The following SLC16A2 variants were observed in gnomAD, a reference collection of about 807,000 sequenced individuals.
SLC16A2 encodes the protein monocarboxylate transporter 8.
In SLC16A2, 3 loss-of-function variants were observed where a neutral mutation model predicts 27.2. The ratio of observed to expected loss-of-function variants is 0.11; its 90% confidence interval spans 0.05 to 0.28. The LOEUF is 0.28. SLC16A2 is among the 10% of genes least tolerant of loss of function. SLC16A2 has a pLI of 1.00. For missense variants in SLC16A2, 295 were observed against 458.5 expected, an observed-to-expected ratio of 0.64 and a Z score of 3.26; for synonymous variants, 202 against 187.8, an observed-to-expected ratio of 1.08 and a Z score of -0.62.
chrX:74,528,302 C>A (rs1930515815), intron 4 of SLC16A2, among the ~76,000 whole-genome samples: 1 of 110,507 alleles, frequency 9.0e-6, no homozygotes, highest in Non-Finnish European at 1.9e-5. Context: ...GCCTGAAGCC[C>A]AGGTCTTCAG....
At position 74,531,575 on chromosome X, in the gene SLC16A2, C is replaced by T; in HGVS notation, c.*22C>T. On this transcript the variant is annotated 3_prime_UTR_variant, in exon 6 of 6. Transcript: ENST00000587091. Reference sequence around the variant, plus strand: ...CTAATGCCTTTCTTGCCATTGTGTGCCCTTTCCCAGCTCTTCCCCTTCATC... The same window carrying T: ...CTAATGCCTTTCTTGCCATTGTGTGTCCTTTCCCAGCTCTTCCCCTTCATC... 8.8e-7 allele frequency: 1 copy of T among 1,131,620 alleles called. No homozygotes were observed. The highest frequency in any genetic ancestry group is 1.2e-6 in the Non-Finnish European group (1 of 823,526). The allele number at this position is 1,131,620 out of a possible 1,213,427, so 93.3% of individuals were successfully genotyped here.
chrX:74,529,392 C>T lies in SLC16A2; in HGVS notation c.1350C>T (p.Tyr450=), dbSNP rs1277288160. Residue 450 remains tyrosine, a synonymous_variant, in exon 5 of 6, where the codon TAC becomes TAT. Coordinates refer to ENST00000587091, the MANE Select transcript of SLC16A2 (RefSeq NM_006517.5). The stretch of plus-strand genomic sequence containing the variant: ...TGCAGGCCTCACAGGCCATTGGCTA[C>T]CTCCTGGGCATGATGGCCCTGCCAA... ...GPMQASQAIG[Y]LLGMMALPMI... 7 of 1,196,039 alleles carry T rather than the reference C, an allele frequency of 5.9e-6. No individual in the cohort carries two copies. In the Admixed American group the frequency reaches 6.8e-5, roughly 12 times the overall value.
At chrX:74,464,174 A>C (rs1015246981) in intron 1 of SLC16A2, among the ~76,000 whole-genome samples, 6 of 112,266 alleles carry the variant, frequency 5.3e-5, no homozygotes, top group African/African-American at 1.9e-4. Flanking sequence ...GTCATATCTA[A>C]TTACCTGTTG....
In SLC16A2 at chrX:74,454,492, T is replaced by C. The variant is rs1187421704; in HGVS notation, c.430+32425T>C. 5.7e-5 allele frequency among the ~76,000 whole-genome samples: 6 copies of C among 104,551 alleles called. No individual in the cohort carries two copies. The East Asian group carries it at 1.2e-3, about 21-fold the overall frequency. The allele number at this position is 104,551 out of a possible 115,157, so 90.8% of individuals were successfully genotyped here. A position where few individuals can be genotyped will look rare whatever the true frequency, so the allele number is the denominator to read the frequency against. On this transcript the variant is annotated intron_variant, in intron 1 of 5. Transcript: ENST00000587091. ...TATCGCAAGGACAAAAAACCAAACA[T>C]GGCATGTTCTCACTCATAGGTGGGA... is the stretch of plus-strand genomic sequence containing the variant.
chrX:74,430,358 G>A (rs143831609), intron 1 of SLC16A2, among the ~76,000 whole-genome samples: 3 of 111,716 alleles, frequency 2.7e-5, no homozygotes, highest in East Asian at 5.6e-4. Context: ...GGTGTAGGGG[G>A]CAACTACCAA....
At chrX:74,459,184 G>A (rs1185100470) in intron 1 of SLC16A2, among the ~76,000 whole-genome samples, 1 of 15,403 alleles carries the variant, frequency 6.5e-5, no homozygotes, top group African/African-American at 2.3e-4. Context: ...CCATGACTCC[G>A]ATCTTGATCA....
At chrX:74,476,295 T>C (rs1279664147) in intron 1 of SLC16A2, among the ~76,000 whole-genome samples, 1 of 112,089 alleles carries the variant, frequency 8.9e-6, no homozygotes, top group African/African-American at 3.2e-5. Flanking sequence ...TATTGGTGTA[T>C]AAGAATGCTT....
intron 1 of SLC16A2, among the ~76,000 whole-genome samples, chrX:74,470,668 C>T (rs983176945): frequency 9.0e-6 from 1 of 111,632 alleles, no homozygotes; most frequent in Non-Finnish European, 1.9e-5. Flanking sequence ...CAAGTTATGC[C>T]AGGCGCGGTG....
Position 74,524,470 on chromosome X carries a change from T to G in SLC16A2, c.687T>G (p.Gly229=). The G allele has an allele frequency of 1.7e-6, 2 of 1,211,937 alleles. No individual in the cohort carries two copies. Among genetic ancestry groups the G allele is most frequent in the Non-Finnish European group, 1.1e-6 (1 of 895,552 alleles). ...ILGHYFQRRL[G]LANGVVSAGS... Reference sequence around the variant, plus strand: ...GCCACTACTTTCAACGCCGCCTGGGTCTGGCCAATGGTGTGGTGTCTGCTG... The same window carrying G: ...GCCACTACTTTCAACGCCGCCTGGGGCTGGCCAATGGTGTGGTGTCTGCTG... Residue 229 remains glycine, a synonymous_variant, in exon 3 of 6, where the codon GGT becomes GGG. Coordinates refer to ENST00000587091, the MANE Select transcript of SLC16A2 (RefSeq NM_006517.5).
Position 74,520,942 on chromosome X carries a change from C to T in SLC16A2, c.431-48C>T, listed in dbSNP as rs1177793915. The T allele has an allele frequency of 3.4e-6, 4 of 1,190,480 alleles. No homozygotes were observed. In the African/African-American group the frequency reaches 7.0e-5, roughly 21 times the overall value. ...AGAGCTGAGATACCAGCAGTACCAC[C>T]AGGCACTACACTAAGCTAAAGTGTC... On this transcript the variant is annotated intron_variant, in intron 1 of 5. Transcript: ENST00000587091.
Position 74,463,690 on chromosome X carries a change from C to T in SLC16A2, c.430+41623C>T, listed in dbSNP as rs1046199427. Reference sequence around the variant, plus strand: ...TACAGGCGCCTGCCACCATACCCGGCTAATTTTTTTGTATTTTTAGTAGAG... The same window carrying T: ...TACAGGCGCCTGCCACCATACCCGGTTAATTTTTTTGTATTTTTAGTAGAG... On this transcript the variant is annotated intron_variant, in intron 1 of 5. Transcript: ENST00000587091. 2.7e-5 allele frequency among the ~76,000 whole-genome samples: 3 copies of T among 111,009 alleles called. No homozygotes were observed. The Admixed American group carries it at 2.9e-4, about 11-fold the overall frequency.
intron 1 of SLC16A2, among the ~76,000 whole-genome samples, chrX:74,491,797 G>A (rs759284558): frequency 1.8e-5 from 2 of 112,618 alleles, no homozygotes; most frequent in South Asian, 3.7e-4. Context: ...TAGAAAATTA[G>A]GACAATTTCC....
At chrX:74,494,890 T>G (rs1298640693) in intron 1 of SLC16A2, among the ~76,000 whole-genome samples, 3 of 110,895 alleles carry the variant, frequency 2.7e-5, no homozygotes, top group Non-Finnish European at 5.7e-5. Context: ...CTGCTCTACC[T>G]CCAGAAAGGT....
At chrX:74,432,433 A>G (rs747255383) in intron 1 of SLC16A2, among the ~76,000 whole-genome samples, 130 of 111,778 alleles carry the variant, frequency 1.2e-3, no homozygotes, top group South Asian at 2.3e-3. Flanking sequence ...AAGCATTTCA[A>G]TGGCCACTAA....
intron 3 of SLC16A2, among the ~76,000 whole-genome samples, 171 bp downstream of exon 3, chrX:74,524,980 T>C (rs1930468313): frequency 9.0e-6 from 1 of 111,333 alleles, no homozygotes; most frequent in African/African-American, 3.3e-5. Flanking sequence ...AGAGAGAGGT[T>C]GAGGGAAGAC....
rs1341463271 is a variant in SLC16A2, at chrX:74,500,606, A to G, written c.431-20384A>G. ...CATTGTATCATTCTCATGCCTTTGT[A>G]TCCTTATCGCTTAGCTCCCACATAT... On this transcript the variant is annotated intron_variant, in intron 1 of 5. Transcript: ENST00000587091. Among the ~76,000 whole-genome samples the G allele has an allele frequency of 2.7e-5, 3 of 111,206 alleles. No individual in the cohort carries two copies. The Admixed American group carries it at 2.9e-4, about 11-fold the overall frequency.
At chrX:74,482,540 A>C (rs1178175688) in intron 1 of SLC16A2, among the ~76,000 whole-genome samples, 1 of 111,300 alleles carries the variant, frequency 9.0e-6, no homozygotes, top group Non-Finnish European at 1.9e-5. Context: ...TCTATCTTCA[A>C]GTTTGCTAAC....
chrX:74,503,571 T>G lies in SLC16A2; in HGVS notation c.431-17419T>G, dbSNP rs146082899. Among the ~76,000 whole-genome samples the G allele has an allele frequency of 6.1e-3, 675 of 111,436 alleles. 8 individuals are homozygous for G. Among genetic ancestry groups the G allele is most frequent in the African/African-American group, 0.021 (636 of 30,617 alleles). On this transcript the variant is annotated intron_variant, in intron 1 of 5. Coordinates refer to ENST00000587091, the MANE Select transcript of SLC16A2 (RefSeq NM_006517.5). ...ATAGTGACCACAGGAGCCTGGAGCA[T>G]AGTACCAAGTGTGTGAGGGCATGCC...
At chrX:74,434,341 G>A (rs1928583458) in intron 1 of SLC16A2, among the ~76,000 whole-genome samples, 2 of 112,184 alleles carry the variant, frequency 1.8e-5, no homozygotes, top group African/African-American at 6.5e-5. Context: ...TTTGAAATAG[G>A]GTTTAGCTAA....
Sources: allele counts gnomAD v4.1 joint callset (sites outside exome capture counted in the v4.1 genomes callset), GRCh38; gene constraint gnomAD v4.1.1; transcripts MANE v1.5; gene names NCBI Gene and HGNC (gene_info 2026-07-23, HGNC 2026-07-21).